RABGAP1L: variants seen among roughly 807,000 people sequenced by gnomAD.
RABGAP1L encodes RAB GTPase activating protein 1 like, also known as rab GTPase-activating protein 1-like.
A neutral mutation model predicts 137.7 loss-of-function variants in RABGAP1L; 63 were observed. The ratio of observed to expected loss-of-function variants is 0.46; its 90% confidence interval spans 0.37 to 0.56. The LOEUF is 0.56. Ranked by LOEUF, RABGAP1L falls within the 20% of genes least tolerant of loss-of-function variation. The probability of loss-of-function intolerance (pLI) is 0.00; values close to 1 mark genes in which losing one functional copy is unlikely to be tolerated. For synonymous variants in RABGAP1L, 431 were observed against 433.7 expected, an observed-to-expected ratio of 0.99 and a Z score of 0.08; for missense variants, 1,095 against 1,244.0, an observed-to-expected ratio of 0.88 and a Z score of 1.80.
chr1:174,200,468 A>G (rs534907513), intron 1 of RABGAP1L, among the ~76,000 whole-genome samples: 2 of 152,372 alleles, frequency 1.3e-5, no homozygotes, highest in South Asian at 2.1e-4. Flanking sequence ...GATGGCTCCT[A>G]GAAAACATGT....
At chr1:174,599,955 C>G (rs1425362912) in intron 13 of RABGAP1L, among the ~76,000 whole-genome samples, 1 of 152,040 alleles carries the variant, frequency 6.6e-6, no homozygotes, top group African/African-American at 2.4e-5. Context: ...CTTTAAGGCC[C>G]CATGTATTAG....
chr1:174,286,431 TTTTA>T (rs1340098346), intron 10 of RABGAP1L, among the ~76,000 whole-genome samples: 3 of 152,146 alleles, frequency 2.0e-5, no homozygotes, highest in African/African-American at 4.8e-5. Context: ...TCATTTGTAA[TTTTA>T]TTTATTTGAG....
intron 13 of RABGAP1L, among the ~76,000 whole-genome samples, chr1:174,520,653 A>T (rs1663281899): frequency 6.6e-6 from 1 of 152,180 alleles, no homozygotes; most frequent in South Asian, 2.1e-4. Flanking sequence ...GTTCAAAATT[A>T]AAATGGCGTG....
At chr1:174,341,521 C>T (rs1681971661) in intron 11 of RABGAP1L, among the ~76,000 whole-genome samples, 1 of 152,106 alleles carries the variant, frequency 6.6e-6, no homozygotes, top group Admixed American at 6.5e-5. Context: ...AACTTGACCG[C>T]TTACTCATGT....
rs142554174 is a variant in RABGAP1L, at chr1:174,682,305, C to CATATAT, written c.1825-1209_1825-1204dup. ...CTCTCTCTCTCTCTCTCTATACATA[C>CATATAT]ATATATATATATACACACACACACA... On this transcript the variant is annotated intron_variant, in intron 14 of 25. Transcript: ENST00000681986. Among the ~76,000 whole-genome samples, 410 of 147,022 alleles carry CATATAT rather than the reference C, an allele frequency of 2.8e-3. 1 individual carries two copies. The highest frequency in any genetic ancestry group is 9.8e-3 in the African/African-American group (378 of 38,674).
chr1:174,638,054 T>C (rs1674206866), intron 14 of RABGAP1L, among the ~76,000 whole-genome samples: 1 of 152,186 alleles, frequency 6.6e-6, no homozygotes, highest in Non-Finnish European at 1.5e-5. Flanking sequence ...GAAGATTCTG[T>C]CTCTGTCAGT....
chr1:174,241,723 T>G (rs1671844366), intron 5 of RABGAP1L, 66 bp downstream of exon 5: 1 of 1,265,034 alleles, frequency 7.9e-7, no homozygotes, highest in South Asian at 1.5e-5. Flanking sequence ...TGAGCTCTAA[T>G]TTCACTGTTG....
chr1:174,428,288 C>CA (rs1278159128), intron 13 of RABGAP1L, among the ~76,000 whole-genome samples: 2 of 152,072 alleles, frequency 1.3e-5, no homozygotes, highest in African/African-American at 2.4e-5. Context: ...ATAAGCGAGA[C>CA]AATTATCTAG....
At chr1:174,877,654 C>A (rs115083140) in intron 19 of RABGAP1L, 3 of 1,566,938 alleles carry the variant, frequency 1.9e-6, no homozygotes, top group Middle Eastern at 2.3e-4. Context: ...TCTTTTCTAA[C>A]ATGATATCTA....
intron 11 of RABGAP1L, among the ~76,000 whole-genome samples, chr1:174,322,254 G>A (rs1680062957): frequency 6.6e-6 from 1 of 151,842 alleles, no homozygotes; most frequent in South Asian, 2.1e-4. Flanking sequence ...ATCTATAATT[G>A]CAGGTAGAGG....
intron 18 of RABGAP1L, among the ~76,000 whole-genome samples, chr1:174,780,068 CAATAAATAAATAAATAAATA>C (rs367683847): frequency 4.2e-4 from 39 of 92,342 alleles, no homozygotes; most frequent in Non-Finnish European, 5.2e-4. Context: ...CTCCATCTTA[CAATAAATAAATAAATAAATA>C]AATAAATAAA....
At chr1:174,452,765 G>A (rs78637495) in intron 13 of RABGAP1L, among the ~76,000 whole-genome samples, 5,277 of 152,040 alleles carry the variant, frequency 0.035, 119 homozygotes, top group Middle Eastern at 0.088. Flanking sequence ...GTTTCGCGGC[G>A]TTAGTCAGGA....
At chr1:174,867,799 C>T (rs1333244165) in intron 19 of RABGAP1L, among the ~76,000 whole-genome samples, 1 of 152,110 alleles carries the variant, frequency 6.6e-6, no homozygotes, top group Non-Finnish European at 1.5e-5. Flanking sequence ...GTGCATGCCA[C>T]CAGGCTGACT....
chr1:174,439,383 G>A (rs1017390674), intron 13 of RABGAP1L, among the ~76,000 whole-genome samples: 1 of 152,138 alleles, frequency 6.6e-6, no homozygotes, highest in Non-Finnish European at 1.5e-5. Context: ...ATTGTGATAT[G>A]TTTCACTTCA....
intron 13 of RABGAP1L, among the ~76,000 whole-genome samples, chr1:174,434,251 G>A (rs1006182891): frequency 1.3e-5 from 2 of 152,030 alleles, no homozygotes; most frequent in Admixed American, 1.3e-4. Flanking sequence ...ATTCTTCAAT[G>A]TATGGCTTCT....
chr1:174,782,861 G>T (rs959952158), intron 18 of RABGAP1L, among the ~76,000 whole-genome samples: 4 of 152,224 alleles, frequency 2.6e-5, no homozygotes, highest in Non-Finnish European at 5.9e-5. Context: ...AGGAGGCAAA[G>T]AAGTAGTCAA....
At chr1:174,987,775 C>T (rs961478583) in intron 24 of RABGAP1L, among the ~76,000 whole-genome samples, 3 of 152,038 alleles carry the variant, frequency 2.0e-5, no homozygotes, top group Non-Finnish European at 2.9e-5. Flanking sequence ...GCTGTGTGCC[C>T]GATTGGCAAT....
intron 17 of RABGAP1L, among the ~76,000 whole-genome samples, chr1:174,741,040 G>GTTTTTTTT (rs1234675421): frequency 1.7e-5 from 2 of 114,862 alleles, no homozygotes; most frequent in African/African-American, 4.3e-5. Flanking sequence ...TGATTTTTTT[G>GTTTTTTTT]TTTTGTTTTT....
chr1:174,463,433 G>A (rs191476088), intron 13 of RABGAP1L, among the ~76,000 whole-genome samples: 82 of 147,502 alleles, frequency 5.6e-4, no homozygotes, highest in African/African-American at 1.9e-3. Context: ...AACACCGCAT[G>A]TTCTCACTCA....
Sources: gnomAD v4.1 joint callset for allele counts (sites outside exome capture counted in the v4.1 genomes callset) on GRCh38, gnomAD v4.1.1 for gene constraint, MANE v1.5 for transcripts, NCBI Gene and HGNC (gene_info 2026-07-23, HGNC 2026-07-21) for gene names.